Variants in RANBP3 observed in about 807,000 individuals in gnomAD.
The protein encoded by RANBP3 is ran-binding protein 3.
Under a neutral mutation model 77.3 loss-of-function variants are expected in RANBP3, and 14 were observed. That is an observed-to-expected ratio of 0.18 (90% CI 0.12 to 0.28). RANBP3 has a LOEUF of 0.28. Ranked by LOEUF, RANBP3 falls within the 10% of genes least tolerant of loss-of-function variation. The pLI is 1.00. For missense variants in RANBP3, 586 were observed against 752.3 expected, an observed-to-expected ratio of 0.78 and a Z score of 2.59; for synonymous variants, 315 against 312.4, an observed-to-expected ratio of 1.01 and a Z score of -0.09.
In RANBP3 at chr19:5,978,094, A is replaced by T; in HGVS notation, c.-12T>A. 1 of 1,608,782 alleles carries T rather than the reference A, an allele frequency of 6.2e-7. No homozygotes were observed. The highest frequency in any genetic ancestry group is 1.1e-5 in the South Asian group (1 of 90,210). ...GCCAGGTCCGCCATTTTACTTCCTTAAGCCCTCCCACAAGGCCCCGCGCCG... is the reference window on the plus strand; with the variant it reads ...GCCAGGTCCGCCATTTTACTTCCTTTAGCCCTCCCACAAGGCCCCGCGCCG... On this transcript the variant is annotated 5_prime_UTR_variant, in exon 1 of 17. Coordinates refer to ENST00000340578, the MANE Select transcript of RANBP3 (RefSeq NM_007322.3).
chr19:5,948,176 C>T (rs940949787), intron 3 of RANBP3, among the ~76,000 whole-genome samples: 1 of 152,180 alleles, frequency 6.6e-6, no homozygotes, highest in African/African-American at 2.4e-5. Context: ...GATGGCTGGG[C>T]GTGGTGGCTC....
Position 5,928,027 on chromosome 19 carries a change from T to C in RANBP3, c.754A>G (p.Lys252Glu), listed in dbSNP as rs1354159180. Residue 252 changes from lysine to glutamate, a missense_variant, in exon 9 of 17, where the codon AAA becomes GAA. Transcript: ENST00000340578. Reference protein sequence around the residue: ...NASEEEACEKKDPATQQAFVF... With the variant: ...NASEEEACEKEDPATQQAFVF... ...AAGGCTTGCTGTGTGGCGGGGTCTT[T>C]TTTCTCACAGGCTTCCTCTTCAGAG... 2 of 1,613,988 alleles carry C rather than the reference T, an allele frequency of 1.2e-6. No individual in the cohort carries two copies. The highest frequency in any genetic ancestry group is 3.3e-5 in the Admixed American group (2 of 59,996).
intron 8 of RANBP3, chr19:5,928,464 C>T (rs1309391876): frequency 6.2e-6 from 1 of 160,600 alleles, no homozygotes; most frequent in Non-Finnish European, 1.4e-5. Context: ...ACAGCTATTA[C>T]CACCGAGAGG....
intron 5 of RANBP3, among the ~76,000 whole-genome samples, chr19:5,934,830 G>A (rs1051628621): frequency 2.0e-5 from 3 of 152,176 alleles, no homozygotes; most frequent in African/African-American, 7.2e-5. Flanking sequence ...GTGAGACCTT[G>A]TCTCAAACAA....
At chr19:5,957,815 T>C in intron 2 of RANBP3, 103 bp downstream of exon 2, 1 of 1,239,900 alleles carries the variant, frequency 8.1e-7, no homozygotes, top group South Asian at 1.2e-5. Context: ...TCCCCGTCTG[T>C]GGGCAGAAGT....
rs576672208 is a variant in RANBP3, at chr19:5,917,879, C to G, written c.1575G>C (p.Ala525=). 6.2e-7 allele frequency: 1 copy of G among 1,612,650 alleles called. No homozygotes were observed. Among genetic ancestry groups the G allele is most frequent in the African/African-American group, 1.3e-5 (1 of 74,936 alleles). The change falls in exon 16 of 17, where the codon GCG becomes GCC. Residue 525 remains alanine (A), a synonymous_variant. Transcript: ENST00000340578. ...VEQEQEAKMP[A]PEPGAAPSNE... Reference sequence around the variant, plus strand: ...TGGATGGGGCTGCCCCAGGCTCAGGCGCGGGCATCTTGGCCTCCTGCTCCT... The same window carrying G: ...TGGATGGGGCTGCCCCAGGCTCAGGGGCGGGCATCTTGGCCTCCTGCTCCT...
chr19:5,934,222 A>G (rs274791), intron 5 of RANBP3: 109,761 of 152,226 alleles, frequency 0.72, 40,052 homozygotes, highest in African/African-American at 0.82. Context: ...GTGCCCATAC[A>G]GGGAGTGGGG....
At chr19:5,957,529 C>CCCT (rs1568473410) in intron 2 of RANBP3, among the ~76,000 whole-genome samples, 22 of 147,034 alleles carry the variant, frequency 1.5e-4, no homozygotes, top group African/African-American at 5.0e-4. Context: ...TCTCCTCCTT[C>CCCT]CCCTCCCTCC....
rs1200664486 is a variant in RANBP3, at chr19:5,959,397, G to C, written c.23-1424C>G. On this transcript the variant is annotated intron_variant, in intron 1 of 16. Transcript: ENST00000340578. The surrounding 1 kb of genome is among the most constrained non-coding windows in gnomAD (Gnocchi z 5.1). ...CAGACGCAGGACAGACTCTGGTCTTGACCTTGGGGCATCAGTCCACAGCCA... is the reference window on the plus strand; with the variant it reads ...CAGACGCAGGACAGACTCTGGTCTTCACCTTGGGGCATCAGTCCACAGCCA... Among the ~76,000 whole-genome samples, 2 of 152,064 alleles carry C rather than the reference G, an allele frequency of 1.3e-5. No individual in the cohort carries two copies. Among genetic ancestry groups the C allele is most frequent in the Non-Finnish European group, 2.9e-5 (2 of 68,004 alleles).
rs1335660703 is a variant in RANBP3, at chr19:5,921,458, T to C, written c.1210-137A>G. 1 of 1,037,438 alleles carries C rather than the reference T, an allele frequency of 9.6e-7. No homozygotes were observed. Among genetic ancestry groups the C allele is most frequent in the Non-Finnish European group, 1.4e-6 (1 of 717,406 alleles). 64.3% of individuals were successfully genotyped at this position (1,037,438 alleles called of 1,614,324 possible). ...GCCTGGGGGCCACCTTGGTCAGTTT[T>C]TTGTCCTGCCCTCAAGCTAGAACAG... On this transcript the variant is annotated intron_variant, in intron 13 of 16. Coordinates refer to ENST00000340578, the MANE Select transcript of RANBP3 (RefSeq NM_007322.3). The surrounding 1 kb of genome is among the most constrained non-coding windows in gnomAD (Gnocchi z 5.3).
chr19:5,944,975 A>G (rs982191562), intron 3 of RANBP3, among the ~76,000 whole-genome samples: 1 of 152,188 alleles, frequency 6.6e-6, no homozygotes, highest in African/African-American at 2.4e-5. Context: ...TGGCCTCTGT[A>G]GACGACCTGC....
At chr19:5,949,389 G>A (rs1400016532) in intron 3 of RANBP3, among the ~76,000 whole-genome samples, 1 of 152,218 alleles carries the variant, frequency 6.6e-6, no homozygotes, top group Non-Finnish European at 1.5e-5. Flanking sequence ...ATTAACAGGA[G>A]CCCTTAGCAA....
intron 3 of RANBP3, among the ~76,000 whole-genome samples, chr19:5,948,749 G>A (rs2058239228): frequency 6.6e-6 from 1 of 152,116 alleles, no homozygotes; most frequent in Non-Finnish European, 1.5e-5. Context: ...AAGCTGTCTG[G>A]CCAGAGGGAT....
rs530219262 is a variant in RANBP3, at chr19:5,940,138, G to A, written c.406+1483C>T. On this transcript the variant is annotated intron_variant, in intron 5 of 16. Coordinates refer to ENST00000340578, the MANE Select transcript of RANBP3 (RefSeq NM_007322.3). ...TGCCCCTCACGCCTCCAGTTACCCT[G>A]GAGAGCTGAGTGTCTCTTGGGGGCT... Among the ~76,000 whole-genome samples the A allele has an allele frequency of 4.6e-5, 7 of 152,342 alleles. No homozygotes were observed. In the East Asian group the frequency reaches 1.3e-3, roughly 29 times the overall value.
intron 3 of RANBP3, 123 bp downstream of exon 3, chr19:5,951,270 T>A (rs1381223532): frequency 1.1e-6 from 1 of 930,916 alleles, no homozygotes; most frequent in Non-Finnish European, 1.7e-6. Flanking sequence ...TTGTCATCTT[T>A]TAAGTTACCA....
chr19:5,977,962 C>A, intron 1 of RANBP3, 99 bp downstream of exon 1: 9 of 1,505,816 alleles, frequency 6.0e-6, no homozygotes, highest in Non-Finnish European at 7.2e-6. Flanking sequence ...GGACGAAACC[C>A]TTGCACTCTG....
At chr19:5,972,520 G>T in intron 1 of RANBP3, among the ~76,000 whole-genome samples, 1 of 152,122 alleles carries the variant, frequency 6.6e-6, no homozygotes, top group East Asian at 1.9e-4. Flanking sequence ...AATGATGCAA[G>T]CCCAACTGCC....
At chr19:5,941,550 G>T in intron 5 of RANBP3, 71 bp downstream of exon 5, 1 of 1,323,382 alleles carries the variant, frequency 7.6e-7, no homozygotes, top group Non-Finnish European at 1.1e-6. Context: ...AGACGGATGC[G>T]CGGCACTGAG....
At chr19:5,951,078 G>A (rs2058268302) in intron 3 of RANBP3, among the ~76,000 whole-genome samples, 1 of 152,126 alleles carries the variant, frequency 6.6e-6, no homozygotes, top group South Asian at 2.1e-4. Context: ...GGTCAAATTA[G>A]GTTTGGAAGG....
Sources: gnomAD v4.1 joint callset for allele counts (sites outside exome capture counted in the v4.1 genomes callset) on GRCh38, gnomAD v4.1.1 for gene constraint, Gnocchi (gnomAD v3.1) non-coding constraint, MANE v1.5 for transcripts, NCBI Gene and HGNC (gene_info 2026-07-23, HGNC 2026-07-21) for gene names.